PADI1: variants seen among roughly 807,000 people sequenced by gnomAD.
The protein encoded by PADI1 is peptidyl arginine deiminase 1, also known as protein-arginine deiminase type-1.
PADI1 carries 65 observed loss-of-function variants against 74.8 expected under a neutral mutation model. The observed-to-expected ratio is 0.87, with a 90% confidence interval of 0.71 to 1.07. The LOEUF (loss-of-function observed/expected upper bound fraction) is 1.07. PADI1 is among the 50% of genes least tolerant of loss of function. The probability of loss-of-function intolerance (pLI) is 0.00; values close to 1 mark genes in which losing one functional copy is unlikely to be tolerated. For missense variants in PADI1, 943 were observed against 854.0 expected, an observed-to-expected ratio of 1.10 and a Z score of -1.30; for synonymous variants, 371 against 336.2, an observed-to-expected ratio of 1.10 and a Z score of -1.13.
intron 1 of PADI1, among the ~76,000 whole-genome samples, chr1:17,205,726 C>T (rs966230865): frequency 2.6e-5 from 4 of 152,058 alleles, no homozygotes; most frequent in Non-Finnish European, 4.4e-5. Context: ...GGTGAAGGGA[C>T]GTGTGTGGTA....
chr1:17,216,658 G>T (rs933416557), intron 1 of PADI1, among the ~76,000 whole-genome samples: 1 of 152,166 alleles, frequency 6.6e-6, no homozygotes, highest in Non-Finnish European at 1.5e-5. Context: ...ATCACTTGAG[G>T]TCGGGAGTTC....
chr1:17,229,015 C>G lies in PADI1; in HGVS notation c.893C>G (p.Pro298Arg). The G allele has an allele frequency of 6.3e-7, 1 of 1,585,404 alleles. No homozygotes were observed. The highest frequency in any genetic ancestry group is 8.6e-7 in the Non-Finnish European group (1 of 1,164,492). Reference protein sequence around the residue: ...GFRMAPWIMTPNTQPPEELYV... With the variant: ...GFRMAPWIMTRNTQPPEELYV... ...CGCATGGCCCCCTGGATCATGACGCCCAACACTCAGCCTCCTGAGGAGCTG... is the reference window on the plus strand; with the variant it reads ...CGCATGGCCCCCTGGATCATGACGCGCAACACTCAGCCTCCTGAGGAGCTG... The change falls in exon 8 of 16, where the codon CCC becomes CGC. Residue 298 changes from proline (P) to arginine (R), a missense_variant. Physicochemically the swap from Pro to Arg is moderately radical, Grantham distance 103 (BLOSUM62 -2). Coordinates refer to ENST00000375471, the MANE Select transcript of PADI1 (RefSeq NM_013358.3).
At chr1:17,220,739 G>C (rs1029341171) in intron 1 of PADI1, among the ~76,000 whole-genome samples, 5 of 152,068 alleles carry the variant, frequency 3.3e-5, no homozygotes, top group Non-Finnish European at 7.4e-5. Context: ...CTCCTCTCCA[G>C]AGTGTGAGCG....
At chr1:17,221,941 GA>G (rs1289219711) in intron 1 of PADI1, among the ~76,000 whole-genome samples, 5 of 152,258 alleles carry the variant, frequency 3.3e-5, no homozygotes, top group Non-Finnish European at 7.3e-5. Context: ...GGACCCATGA[GA>G]AAGCTGCTCG....
At chr1:17,206,672 TTTTTC>T (rs948832025) in intron 1 of PADI1, among the ~76,000 whole-genome samples, 3 of 129,312 alleles carry the variant, frequency 2.3e-5, no homozygotes, top group African/African-American at 1.1e-4. Flanking sequence ...TGAAGTCTTT[TTTTTC>T]TTTTTCTTTT....
In PADI1 at chr1:17,238,600, C is replaced by T. The variant is rs1266894525; in HGVS notation, c.1459-16C>T. The T allele has an allele frequency of 7.7e-6, 11 of 1,435,880 alleles. No homozygotes were observed. The highest frequency in any genetic ancestry group is 1.0e-5 in the Non-Finnish European group (11 of 1,073,226). The allele number at this position is 1,435,880 out of a possible 1,614,324, so 88.9% of individuals were successfully genotyped here. A position where few individuals can be genotyped will look rare whatever the true frequency, so the allele number is the denominator to read the frequency against. On this transcript the variant is annotated splice_polypyrimidine_tract_variant and intron_variant, in intron 12 of 15. Coordinates refer to ENST00000375471, the MANE Select transcript of PADI1 (RefSeq NM_013358.3). ...GGACCCTGTCCACTGAGCCATTCTC[C>T]CTCCCTCCGTGCCAGGGCTTCCGGC...
intron 3 of PADI1, among the ~76,000 whole-genome samples, chr1:17,224,001 C>A (rs1397240428): frequency 6.6e-6 from 1 of 152,272 alleles, no homozygotes; most frequent in African/African-American, 2.4e-5. Context: ...ACGGAACGTG[C>A]CCCCTTCAGC....
At chr1:17,208,411 C>T (rs1205294391) in intron 1 of PADI1, among the ~76,000 whole-genome samples, 1 of 152,064 alleles carries the variant, frequency 6.6e-6, no homozygotes, top group Non-Finnish European at 1.5e-5. Flanking sequence ...ACCCTGTCCA[C>T]CCCCGACTCC....
rs146496379 is a variant in PADI1 at position 17,214,479 on chromosome 1, G to C, written c.93-7811G>C. ...ACAGGGTGACTCCTGTAGTGGTAAT[G>C]ATTTGGCCTTTTTTATTTGGAGGGG... On this transcript the variant is annotated intron_variant, in intron 1 of 15. Coordinates refer to ENST00000375471, the MANE Select transcript of PADI1 (RefSeq NM_013358.3). 7.9e-4 allele frequency among the ~76,000 whole-genome samples: 121 copies of C among 152,248 alleles called. 1 individual carries two copies. In the East Asian group the frequency reaches 0.022, roughly 27 times the overall value.
chr1:17,207,969 G>A (rs1159665323), intron 1 of PADI1, among the ~76,000 whole-genome samples: 2 of 152,228 alleles, frequency 1.3e-5, no homozygotes, highest in Non-Finnish European at 2.9e-5. Context: ...AACCTGGGAA[G>A]GTTTTTAAGA....
At chr1:17,242,323 T>G (rs2072793951) in intron 15 of PADI1, among the ~76,000 whole-genome samples, 1 of 152,220 alleles carries the variant, frequency 6.6e-6, no homozygotes, top group African/African-American at 2.4e-5. Context: ...ATGTTCCATA[T>G]CGGTACAATA....
rs1338084379 is a variant in PADI1, at chr1:17,228,762, C to T, written c.790C>T (p.Leu264=). ...LTFPDADFLG[L]VSLSVSLVDP... ...CTTCCCCGATGCCGATTTCCTAGGGCTGGTTTCCCTCAGTGTCAGCCTGGT... is the reference window on the plus strand; with the variant it reads ...CTTCCCCGATGCCGATTTCCTAGGGTTGGTTTCCCTCAGTGTCAGCCTGGT... Residue 264 remains leucine, a synonymous_variant, in exon 7 of 16, where the codon CTG becomes TTG. Transcript: ENST00000375471. 3 of 1,614,000 alleles carry T rather than the reference C, an allele frequency of 1.9e-6. No individual in the cohort carries two copies. The African/African-American group carries it at 4.0e-5, about 22-fold the overall frequency.
chr1:17,230,428 A>C (rs1335242758), intron 9 of PADI1, 144 bp from the exon 10 acceptor site: 2 of 724,228 alleles, frequency 2.8e-6, no homozygotes, highest in African/African-American at 3.6e-5. Context: ...TGGGGTCCTA[A>C]GAGGCCTCAC....
chr1:17,222,600 A>G (rs575786026), intron 2 of PADI1, 130 bp downstream of exon 2: 9 of 713,634 alleles, frequency 1.3e-5, no homozygotes, highest in South Asian at 1.1e-4. Context: ...ATCACAGTAC[A>G]TACACAAAAC....
At chr1:17,224,533 G>A (rs536541832) in intron 4 of PADI1, 105 bp downstream of exon 4, 240 of 892,936 alleles carry the variant, frequency 2.7e-4, no homozygotes, top group Non-Finnish European at 3.9e-4. Context: ...GATCCCCAGG[G>A]TCTGTAGTAT....
intron 1 of PADI1, among the ~76,000 whole-genome samples, chr1:17,221,002 G>A (rs1007050499): frequency 1.1e-4 from 17 of 152,328 alleles, no homozygotes; most frequent in African/African-American, 2.4e-4. Flanking sequence ...GTGGGGGCCC[G>A]GCAGATGAGT....
chr1:17,215,028 A>T (rs2071937579), intron 1 of PADI1, among the ~76,000 whole-genome samples: 1 of 152,164 alleles, frequency 6.6e-6, no homozygotes, highest in South Asian at 2.1e-4. Flanking sequence ...GATGGGGGTG[A>T]TGGGAACCAA....
Position 17,245,116 on chromosome 1 carries a change from C to G in PADI1, c.*873C>G, listed in dbSNP as rs1289294744. On this transcript the variant is annotated 3_prime_UTR_variant, in exon 16 of 16. Coordinates refer to ENST00000375471, the MANE Select transcript of PADI1 (RefSeq NM_013358.3). This position sits in a 1 kb window ranked among gnomAD's most constrained non-coding sequence, Gnocchi z 4.1. Reference sequence around the variant, plus strand: ...TTTTGGACTCTGGATTTGAAGGGAGCTGGAGCTTCCAGATGTAGCAGGGGT... The same window carrying G: ...TTTTGGACTCTGGATTTGAAGGGAGGTGGAGCTTCCAGATGTAGCAGGGGT... 3.9e-5 allele frequency: 6 copies of G among 153,318 alleles called. No individual in the cohort carries two copies. In the South Asian group the frequency reaches 1.2e-3, roughly 32 times the overall value. The allele number at this position is 153,318 out of a possible 1,614,324, so 9.5% of individuals were successfully genotyped here.
At chr1:17,218,464 C>T (rs1326332636) in intron 1 of PADI1, among the ~76,000 whole-genome samples, 3 of 152,150 alleles carry the variant, frequency 2.0e-5, no homozygotes, top group South Asian at 2.1e-4. Flanking sequence ...GCCACGGAGT[C>T]AGAGGAGAGC....
Sources: allele counts gnomAD v4.1 joint callset (sites outside exome capture counted in the v4.1 genomes callset), GRCh38; gene constraint gnomAD v4.1.1; non-coding constraint Gnocchi (gnomAD v3.1); transcripts MANE v1.5; gene names NCBI Gene and HGNC (gene_info 2026-07-23, HGNC 2026-07-21).